Variants in SPEF2 observed in about 807,000 individuals in gnomAD.
SPEF2 encodes sperm flagellar and cilia associated 2, also known as sperm flagella and cilia-associated protein 2.
In SPEF2, 187 loss-of-function variants were observed where a neutral mutation model predicts 224.6. The ratio of observed to expected loss-of-function variants is 0.83; its 90% CI spans 0.74 to 0.94. The LOEUF (loss-of-function observed/expected upper bound fraction) is 0.94. SPEF2 is among the 40% of genes least tolerant of loss of function. The pLI, the probability that SPEF2 is intolerant of heterozygous loss-of-function variation, is 0.00. For synonymous variants in SPEF2, 715 were observed against 707.3 expected (o/e 1.01, Z -0.17); for missense variants, 2,170 against 2,135.6 (o/e 1.02, Z -0.32).
intron 30 of SPEF2, chr5:35,790,916 C>T (rs1288408922): frequency 6.6e-6 from 1 of 152,206 alleles, no homozygotes; most frequent in African/African-American, 2.4e-5. Flanking sequence ...ACAGTTTTCA[C>T]ATTTCATGCT....
intron 36 of SPEF2, chr5:35,808,379 C>T (rs1324564649): frequency 6.3e-6 from 1 of 159,400 alleles, no homozygotes; most frequent in Non-Finnish European, 1.3e-5. Flanking sequence ...AGGTATATCT[C>T]CTAATGCTAT....
chr5:35,745,319 C>T lies in SPEF2; in HGVS notation c.3330+5052C>T, dbSNP rs1010540082. ...AATTTGAACTGGGCAAGAAGCCTCC[C>T]GGCCAGAGCTCGGGGGAGGGTGCAC... On this transcript the variant is annotated intron_variant, in intron 23 of 36. Transcript: ENST00000356031. Among the ~76,000 whole-genome samples, 4 of 152,244 alleles carry T rather than the reference C, an allele frequency of 2.6e-5. 1 individual carries two copies. In the South Asian group the frequency reaches 6.2e-4, roughly 24 times the overall value.
intron 6 of SPEF2, among the ~76,000 whole-genome samples, chr5:35,650,002 T>C (rs1747948794): frequency 6.6e-6 from 1 of 152,326 alleles, no homozygotes; most frequent in South Asian, 2.1e-4. Flanking sequence ...GGATGACATA[T>C]GTAGGAACAA....
intron 1 of SPEF2, among the ~76,000 whole-genome samples, chr5:35,621,605 C>T (rs534996570): frequency 2.0e-5 from 3 of 152,192 alleles, no homozygotes; most frequent in South Asian, 2.1e-4. Context: ...TCAGCCATCT[C>T]GGCCTATTAT....
At chr5:35,629,175 T>TTG (rs1744720173) in intron 2 of SPEF2, among the ~76,000 whole-genome samples, 1 of 145,748 alleles carries the variant, frequency 6.9e-6, no homozygotes, top group Non-Finnish European at 1.5e-5. Flanking sequence ...TTTTTTTTTT[T>TTG]TTGAGACTTG....
intron 34 of SPEF2, 78 bp downstream of exon 34, chr5:35,800,225 C>CT (rs1757242201): frequency 6.9e-7 from 1 of 1,458,282 alleles, no homozygotes; most frequent in Non-Finnish European, 9.3e-7. Context: ...AACAAGGACT[C>CT]TATTATTTTC....
At chr5:35,686,276 A>C (rs2149519935) in intron 10 of SPEF2, among the ~76,000 whole-genome samples, 1 of 152,162 alleles carries the variant, frequency 6.6e-6, no homozygotes, top group Middle Eastern at 3.4e-3. Flanking sequence ...AAGTTTGAAT[A>C]GTTTAATAAA....
intron 1 of SPEF2, among the ~76,000 whole-genome samples, chr5:35,619,353 G>C (rs1743142448): frequency 6.6e-6 from 1 of 152,084 alleles, no homozygotes; most frequent in Non-Finnish European, 1.5e-5. Flanking sequence ...GTTACATATT[G>C]CTTAGTTTAA....
Position 35,776,337 on chromosome 5 carries a change from G to C in SPEF2, c.4159G>C (p.Asp1387His). The C allele has an allele frequency of 6.2e-7, 1 of 1,613,090 alleles. No homozygotes were observed. The highest frequency in any genetic ancestry group is 8.5e-7 in the Non-Finnish European group (1 of 1,179,486). ...LLEDLVTKVVDVYKLMEKWLG... is the reference protein window; with the variant it reads ...LLEDLVTKVVHVYKLMEKWLG... ...TGAAGATTTAGTAACAAAGGTGGTT[G>C]ATGTATATAAACTCATGGAAAAATG... The change falls in exon 29 of 37, where the codon GAT becomes CAT. Residue 1387 changes from aspartate (D) to histidine (H), a missense_variant. Asp to His is a moderately conservative substitution (Grantham distance 81, BLOSUM62 -1). Transcript: ENST00000356031.
At chr5:35,690,792 A>G (rs1319216580) in intron 10 of SPEF2, among the ~76,000 whole-genome samples, 7 of 152,286 alleles carry the variant, frequency 4.6e-5, no homozygotes, top group African/African-American at 1.7e-4. Context: ...AAATGCCTCA[A>G]TTTATATGCT....
intron 30 of SPEF2, chr5:35,790,637 G>C (rs1755817817): frequency 3.7e-6 from 1 of 269,052 alleles, no homozygotes; most frequent in Non-Finnish European, 6.9e-6. Flanking sequence ...GCTACACAAT[G>C]GTGTTATTTT....
chr5:35,685,710 C>T (rs1753508747), intron 10 of SPEF2, among the ~76,000 whole-genome samples: 1 of 151,830 alleles, frequency 6.6e-6, no homozygotes, highest in Non-Finnish European at 1.5e-5. Context: ...TTATAAATCA[C>T]ACATCATCTA....
chr5:35,627,853 T>C (rs1373103801), intron 1 of SPEF2, among the ~76,000 whole-genome samples: 1 of 152,208 alleles, frequency 6.6e-6, no homozygotes, highest in Non-Finnish European at 1.5e-5. Flanking sequence ...CAGGTATCTC[T>C]GGCTCTAAAG....
Position 35,800,038 on chromosome 5 carries a change from A to G in SPEF2, c.4901A>G (p.Tyr1634Cys), listed in dbSNP as rs375176993. Residue 1634 changes from tyrosine to cysteine, a missense_variant, in exon 34 of 37, where the codon TAC (tyrosine) becomes TGC (cysteine). Tyr to Cys is a radical substitution (Grantham distance 194). Coordinates refer to ENST00000356031, the MANE Select transcript of SPEF2 (RefSeq NM_024867.4). ...PQLDYTQMLL[Y>C]FACHPDTVEG... ...CTTGACTACACACAGATGCTGCTTT[A>G]CTTTGCTTGCCACCCAGACACCGTG... 3.1e-6 allele frequency: 5 copies of G among 1,614,122 alleles called. No individual in the cohort carries two copies. In the South Asian group the frequency reaches 5.5e-5, roughly 18 times the overall value.
Position 35,618,024 on chromosome 5 carries a change from C to G in SPEF2, c.27C>G (p.Leu9=), listed in dbSNP as rs1159365828. Residue 9 remains leucine (L), a synonymous_variant, in exon 1 of 37, where the codon CTC becomes CTG. Transcript: ENST00000356031. MSEILCQW[L]NKELKVSRTV... is the part of the protein sequence containing the mutation. ...TGTCGGAGATCCTGTGCCAGTGGCT[C>G]AACAAGGAGTTGAAGGTGTCCCGGA... The G allele has an allele frequency of 6.3e-7, 1 of 1,587,248 alleles. No individual in the cohort carries two copies. Among genetic ancestry groups the G allele is most frequent in the African/African-American group, 1.3e-5 (1 of 74,252 alleles).
chr5:35,713,149 G>C (rs1321151193), intron 20 of SPEF2, among the ~76,000 whole-genome samples: 1 of 152,112 alleles, frequency 6.6e-6, no homozygotes, highest in African/African-American at 2.4e-5. Flanking sequence ...AGATATTTTA[G>C]CTGTTATCCT....
chr5:35,675,483 G>T (rs1325078009), intron 10 of SPEF2: 1 of 154,342 alleles, frequency 6.5e-6, no homozygotes, highest in Non-Finnish European at 1.4e-5. Context: ...GTAAGGCTAT[G>T]GCTTTTGTAG....
chr5:35,711,699 G>A (rs1741187216), intron 19 of SPEF2, among the ~76,000 whole-genome samples: 1 of 144,704 alleles, frequency 6.9e-6, no homozygotes, highest in Non-Finnish European at 1.5e-5. Flanking sequence ...TATCCATTTA[G>A]AGAGATTAAC....
At chr5:35,645,191 A>G (rs1747190128) in intron 4 of SPEF2, among the ~76,000 whole-genome samples, 1 of 152,242 alleles carries the variant, frequency 6.6e-6, no homozygotes, top group Non-Finnish European at 1.5e-5. Context: ...TGTGTAAACT[A>G]CAGGCAAAAG....
Sources: allele counts gnomAD v4.1 joint callset (sites outside exome capture counted in the v4.1 genomes callset), GRCh38; gene constraint gnomAD v4.1.1; transcripts MANE v1.5; gene names NCBI Gene and HGNC (gene_info 2026-07-23, HGNC 2026-07-21).